Variants in ADAM22 observed in about 807,000 individuals in gnomAD.
ADAM22 encodes the protein disintegrin and metalloproteinase domain-containing protein 22.
ADAM22 carries 65 observed loss-of-function variants against 144.6 expected under a neutral mutation model. The ratio of observed to expected loss-of-function variants is 0.45; its 90% CI spans 0.37 to 0.55. ADAM22 has a LOEUF of 0.55. ADAM22 is among the 20% of genes least tolerant of loss of function. The probability of loss-of-function intolerance (pLI) is 0.00; values close to 1 mark genes in which losing one functional copy is unlikely to be tolerated. For synonymous variants in ADAM22, 391 were observed against 412.6 expected (o/e 0.95, Z 0.63); for missense variants, 974 against 1,184.9 (o/e 0.82, Z 2.61).
intron 2 of ADAM22, among the ~76,000 whole-genome samples, chr7:87,952,028 A>G (rs2131411011): frequency 6.7e-6 from 1 of 149,700 alleles, no homozygotes; most frequent in East Asian, 2.0e-4. Context: ...TTATCAGCTT[A>G]AGGAGATTTT....
chr7:87,964,984 T>A (rs563965109), intron 2 of ADAM22, among the ~76,000 whole-genome samples: 18 of 152,352 alleles, frequency 1.2e-4, no homozygotes, highest in East Asian at 5.8e-4. Context: ...GTAGTCTGTT[T>A]TCTCTCTTTC....
chr7:88,003,550 A>G (rs1441395346), intron 3 of ADAM22, among the ~76,000 whole-genome samples: 1 of 152,182 alleles, frequency 6.6e-6, no homozygotes, highest in Non-Finnish European at 1.5e-5. Flanking sequence ...TTTTCAAAAG[A>G]CAGAATTACA....
intron 3 of ADAM22, among the ~76,000 whole-genome samples, chr7:88,033,895 C>T (rs925198330): frequency 6.6e-6 from 1 of 151,962 alleles, no homozygotes; most frequent in Non-Finnish European, 1.5e-5. Flanking sequence ...GCTCTTCAGT[C>T]AGTTTGTAGT....
chr7:87,968,377 AG>A (rs1481448293), intron 2 of ADAM22, among the ~76,000 whole-genome samples: 1 of 152,170 alleles, frequency 6.6e-6, no homozygotes, highest in Non-Finnish European at 1.5e-5. Context: ...TTTTTTAAAA[AG>A]TTTCCCAAGG....
chr7:88,034,816 A>G (rs1233497742), intron 3 of ADAM22, among the ~76,000 whole-genome samples: 1 of 152,110 alleles, frequency 6.6e-6, no homozygotes, highest in Non-Finnish European at 1.5e-5. Context: ...TCCAACGCAA[A>G]GTCCCACAAT....
chr7:88,019,799 G>A (rs760478494), intron 3 of ADAM22, among the ~76,000 whole-genome samples: 1 of 151,800 alleles, frequency 6.6e-6, no homozygotes, highest in Non-Finnish European at 1.5e-5. Context: ...GCAGTGAGCC[G>A]AGGTTGTGCC....
chr7:88,074,804 G>T (rs1226096984), intron 3 of ADAM22, among the ~76,000 whole-genome samples: 2 of 152,142 alleles, frequency 1.3e-5, no homozygotes, highest in African/African-American at 2.4e-5. Context: ...ATGAACCTCT[G>T]TGCTCAAAAA....
chr7:87,936,988 C>T (rs960417739), intron 2 of ADAM22, among the ~76,000 whole-genome samples: 1 of 152,130 alleles, frequency 6.6e-6, no homozygotes, highest in Non-Finnish European at 1.5e-5. Context: ...CAGGGTCTCA[C>T]TCTGTCACCC....
chr7:87,942,315 T>C (rs747663586), intron 2 of ADAM22, among the ~76,000 whole-genome samples: 2 of 152,242 alleles, frequency 1.3e-5, no homozygotes, highest in Non-Finnish European at 2.9e-5. Flanking sequence ...TTCTGAATAC[T>C]TGATGTACAT....
intron 3 of ADAM22, among the ~76,000 whole-genome samples, chr7:88,020,422 AG>A (rs1797572749): frequency 6.6e-6 from 1 of 152,180 alleles, no homozygotes; most frequent in African/African-American, 2.4e-5. Context: ...AATACTCCAC[AG>A]GGGGTTCTCC....
intron 2 of ADAM22, among the ~76,000 whole-genome samples, chr7:87,949,072 G>T (rs1258683327): frequency 6.6e-6 from 1 of 152,168 alleles, no homozygotes; most frequent in East Asian, 1.9e-4. Flanking sequence ...CGTTGGGATG[G>T]CATGGAGAGG....
chr7:88,162,097 TACACACACACACAC>T (rs61053925), intron 22 of ADAM22, among the ~76,000 whole-genome samples: 7 of 136,830 alleles, frequency 5.1e-5, no homozygotes, highest in African/African-American at 1.1e-4. Context: ...AAATGTGTAA[TACACACACACACAC>T]ACACACACAC....
At chr7:87,944,315 C>G (rs1240196399) in intron 2 of ADAM22, among the ~76,000 whole-genome samples, 1 of 151,782 alleles carries the variant, frequency 6.6e-6, no homozygotes, top group African/African-American at 2.4e-5. Context: ...TTGGTCATTG[C>G]TCAAGCTTTT....
intron 22 of ADAM22, among the ~76,000 whole-genome samples, chr7:88,158,103 C>T (rs1840497808): frequency 6.6e-6 from 1 of 151,968 alleles, no homozygotes; most frequent in African/African-American, 2.4e-5. Flanking sequence ...GGTTGCAATC[C>T]TAATTTCAGA....
chr7:88,042,668 T>C (rs752568921), intron 3 of ADAM22, among the ~76,000 whole-genome samples: 1 of 151,946 alleles, frequency 6.6e-6, no homozygotes. Context: ...AAAATAGATT[T>C]GTGGCTCAGT....
rs1554357631 is a variant in ADAM22 at position 87,966,730 on chromosome 7, T to TTTTG, written c.247-11603_247-11602insGTTT. On this transcript the variant is annotated intron_variant, in intron 2 of 31. Coordinates refer to ENST00000413139, the MANE Select transcript of ADAM22 (RefSeq NM_001324418.2). Reference sequence around the variant, plus strand: ...TTATCCAAGGAAAGCCGTTTTTTTTTTTTTTTTTTTTTTTTTTTTTTTGTG... The same window carrying TTTTG: ...TTATCCAAGGAAAGCCGTTTTTTTTTTTTGTTTTTTTTTTTTTTTTTTTTTTGTG... Among the ~76,000 whole-genome samples the TTTTG allele has an allele frequency of 6.3e-4, 81 of 128,668 alleles. 3 individuals carry two copies. The highest frequency in any genetic ancestry group is 1.3e-4 in the Non-Finnish European group (8 of 59,552). 84.4% of individuals were successfully genotyped at this position (128,668 alleles called of 152,430 possible).
At chr7:88,140,936 A>G (rs1454758511) in intron 14 of ADAM22, among the ~76,000 whole-genome samples, 1 of 152,144 alleles carries the variant, frequency 6.6e-6, no homozygotes, top group Non-Finnish European at 1.5e-5. Context: ...TTCCTGAGGG[A>G]AAGCAACAGG....
rs1183549604 is a variant in ADAM22 at position 88,134,376 on chromosome 7, C to T, written c.1125C>T (p.Ala375=). The T allele has an allele frequency of 6.2e-7, 1 of 1,610,356 alleles. No homozygotes were observed. The highest frequency in any genetic ancestry group is 8.5e-7 in the Non-Finnish European group (1 of 1,178,736). The part of the protein sequence containing the change: ...LMAVTLAQSL[A]HNIGIISDKR... ...CTGTTACACTTGCCCAGTCATTAGC[C>T]CATAATATTGGTATTATCTCAGACA... is the stretch of plus-strand genomic sequence containing the variant. The change falls in exon 13 of 32, where the codon GCC becomes GCT. Residue 375 remains alanine (A), a synonymous_variant. Coordinates refer to ENST00000413139, the MANE Select transcript of ADAM22 (RefSeq NM_001324418.2).
At chr7:88,068,444 G>T (rs1010701225) in intron 3 of ADAM22, among the ~76,000 whole-genome samples, 1 of 152,032 alleles carries the variant, frequency 6.6e-6, no homozygotes, top group African/African-American at 2.4e-5. Context: ...TATTTTCACT[G>T]GTTGGATTAT....
Sources: gnomAD v4.1 joint callset for allele counts (sites outside exome capture counted in the v4.1 genomes callset) on GRCh38, gnomAD v4.1.1 for gene constraint, MANE v1.5 for transcripts, NCBI Gene and HGNC (gene_info 2026-07-23, HGNC 2026-07-21) for gene names.